Variants in CALD1 observed in about 807,000 individuals in gnomAD.
CALD1 encodes caldesmon.
CALD1 carries 33 observed loss-of-function variants against 99.9 expected under a neutral mutation model. The ratio of observed to expected loss-of-function variants is 0.33; its 90% CI spans 0.25 to 0.44. CALD1 has a LOEUF of 0.44. Among genes scored for constraint, CALD1 ranks in the 20% least tolerant of loss-of-function variants. CALD1 has a pLI of 1.00. For missense variants in CALD1, 861 were observed against 962.1 expected (o/e 0.89, Z 1.39); for synonymous variants, 310 against 325.0 (o/e 0.95, Z 0.50).
chr7:134,726,520 T>TTA, the CALD1 span, among the ~76,000 whole-genome samples: 49 of 140,124 alleles, frequency 3.5e-4, 1 homozygote, highest in African/African-American at 1.0e-3. Flanking sequence ...ATACAATATA[T>TTA]TATATATATA....
intron 3 of CALD1, among the ~76,000 whole-genome samples, chr7:134,894,364 G>C (rs753878718): frequency 1.6e-4 from 25 of 152,290 alleles, no homozygotes; most frequent in Non-Finnish European, 3.7e-4. Flanking sequence ...GAATGATTTT[G>C]AATCTTTGAA....
In CALD1 at chr7:134,945,547, T is replaced by A. The variant is rs6949191; in HGVS notation, c.1533-1961T>A. On this transcript the variant is annotated intron_variant, in intron 7 of 14. Transcript: ENST00000361675. ...AAAAGTTTGAGTATATTATTCTCTG[T>A]CTTACCTGTGGTTTCCTTGTTTGTA... Among the ~76,000 whole-genome samples the A allele has an allele frequency of 9.4e-3, 1,435 of 152,344 alleles. 22 individuals carry two copies. The highest frequency in any genetic ancestry group is 0.033 in the African/African-American group (1,356 of 41,576).
intron 1 of CALD1, among the ~76,000 whole-genome samples, chr7:134,774,169 CA>C (rs5887704): frequency 0.39 from 52,629 of 135,740 alleles, 10,460 homozygotes; most frequent in Admixed American, 0.52. Flanking sequence ...GATTCCATCT[CA>C]AAAAAAAAAA....
chr7:134,835,650 G>A (rs191157592), intron 1 of CALD1, among the ~76,000 whole-genome samples: 1 of 152,192 alleles, frequency 6.6e-6, no homozygotes, highest in East Asian at 1.9e-4. Flanking sequence ...TAATCCGATC[G>A]TGATGACGTG....
chr7:134,878,811 TA>T (rs929401846), intron 3 of CALD1, among the ~76,000 whole-genome samples: 10 of 150,744 alleles, frequency 6.6e-5, no homozygotes, highest in African/African-American at 2.2e-4. Flanking sequence ...ATAATAATAA[TA>T]AAAAAAATAG....
At chr7:134,912,761 T>C (rs1803907765) in intron 3 of CALD1, among the ~76,000 whole-genome samples, 1 of 152,224 alleles carries the variant, frequency 6.6e-6, no homozygotes, top group Admixed American at 6.5e-5. Flanking sequence ...TTTGAAACTA[T>C]TTATTTAAAA....
chr7:134,936,844 A>G (rs1806019919), intron 6 of CALD1, among the ~76,000 whole-genome samples: 1 of 152,252 alleles, frequency 6.6e-6, no homozygotes, highest in Non-Finnish European at 1.5e-5. Flanking sequence ...ATGTGAGCAC[A>G]GGCCATGTAA....
chr7:134,765,304 A>C (rs1796815754), intron 1 of CALD1, among the ~76,000 whole-genome samples: 1 of 149,632 alleles, frequency 6.7e-6, no homozygotes, highest in Non-Finnish European at 1.5e-5. Flanking sequence ...ACAGAGCAAG[A>C]CTCCGTCTCG....
chr7:134,763,996 A>T (rs17168027), intron 1 of CALD1, among the ~76,000 whole-genome samples: 1 of 151,934 alleles, frequency 6.6e-6, no homozygotes, highest in Non-Finnish European at 1.5e-5. Context: ...GCCCTTAGCC[A>T]TACTTAGGTG....
chr7:134,802,158 A>G (rs145552117), intron 1 of CALD1, among the ~76,000 whole-genome samples: 2,166 of 138,554 alleles, frequency 0.016, 49 homozygotes, highest in African/African-American at 0.053. Flanking sequence ...AGTTTGCCAT[A>G]TATATGTCAA....
chr7:134,772,019 C>T (rs1356234091), intron 1 of CALD1, among the ~76,000 whole-genome samples: 1 of 151,850 alleles, frequency 6.6e-6, no homozygotes, highest in Non-Finnish European at 1.5e-5. Context: ...TTGTTCACAA[C>T]ATCTAGAACA....
chr7:134,888,500 C>A (rs953321159), intron 3 of CALD1, among the ~76,000 whole-genome samples: 1 of 152,234 alleles, frequency 6.6e-6, no homozygotes, highest in African/African-American at 2.4e-5. Flanking sequence ...CTTACCTTGC[C>A]TCTCCAGCCC....
At chr7:134,918,848 T>C (rs1804409687) in intron 3 of CALD1, among the ~76,000 whole-genome samples, 1 of 151,996 alleles carries the variant, frequency 6.6e-6, no homozygotes. Flanking sequence ...ATACAAAAAT[T>C]AGCCAGATGT....
intron 7 of CALD1, among the ~76,000 whole-genome samples, chr7:134,942,081 C>CT (rs1414022312): frequency 2.0e-5 from 3 of 152,216 alleles, no homozygotes. Context: ...TCTCCAACCA[C>CT]TGGGGCCAAA....
chr7:134,914,695 G>A (rs1378704715), intron 3 of CALD1, among the ~76,000 whole-genome samples: 1 of 152,068 alleles, frequency 6.6e-6, no homozygotes. Flanking sequence ...CTGCAACCTT[G>A]CTATTTGAGC....
At chr7:134,807,410 A>C (rs1350506497) in intron 1 of CALD1, among the ~76,000 whole-genome samples, 2 of 152,158 alleles carry the variant, frequency 1.3e-5, no homozygotes, top group Non-Finnish European at 2.9e-5. Flanking sequence ...TACTAGCTAC[A>C]GGGGGCCTTT....
intron 9 of CALD1, among the ~76,000 whole-genome samples, chr7:134,955,820 A>G (rs1392805680): frequency 6.6e-6 from 1 of 152,216 alleles, no homozygotes; most frequent in Non-Finnish European, 1.5e-5. Flanking sequence ...TCAATTTTAT[A>G]TAGAAGGTAC....
chr7:134,928,428 C>CAAAAA (rs11355152), intron 3 of CALD1, among the ~76,000 whole-genome samples: 1 of 55,646 alleles, frequency 1.8e-5, no homozygotes, highest in Non-Finnish European at 3.1e-5. Context: ...GACTGGGTCT[C>CAAAAA]AAAAAAAAAA....
At chr7:134,744,355 GAA>G (rs1366992792) in exon 1 of CALD1, 2 of 152,208 alleles carry the variant, frequency 1.3e-5, no homozygotes, top group East Asian at 3.9e-4. Flanking sequence ...TGTGCAGCTT[GAA>G]ATGCAGGTTG....
Sources: gnomAD v4.1 joint callset for allele counts (sites outside exome capture counted in the v4.1 genomes callset) on GRCh38, gnomAD v4.1.1 for gene constraint, MANE v1.5 for transcripts, NCBI Gene and HGNC (gene_info 2026-07-23, HGNC 2026-07-21) for gene names.